The following NDUFC1 variants were observed in gnomAD, a reference collection of about 807,000 sequenced individuals.
NDUFC1 encodes the protein NADH dehydrogenase [ubiquinone] 1 subunit C1, mitochondrial.
Under a neutral mutation model 11.6 loss-of-function variants are expected in NDUFC1, and 11 were observed. The ratio of observed to expected loss-of-function variants is 0.95; its 90% CI spans 0.60 to 1.58. The LOEUF (loss-of-function observed/expected upper bound fraction) is 1.58, where lower values mean the gene tolerates loss of function less well. Among genes scored for constraint, NDUFC1 ranks in the 40% most tolerant of loss-of-function variants. The pLI is 0.00. For synonymous variants in NDUFC1, 52 were observed against 42.2 expected (o/e 1.23, Z -0.90); for missense variants, 112 against 93.0 (o/e 1.20, Z -0.84).
intron 1 of NDUFC1, chr4:139,301,396 G>A (rs941550833): frequency 9.4e-6 from 4 of 425,496 alleles, no homozygotes; most frequent in Non-Finnish European, 1.7e-5. Flanking sequence ...CCAGCCTCCA[G>A]GTTTCCCGGC....
intron 5 of NDUFC1, among the ~76,000 whole-genome samples, chr4:139,290,462 T>C (rs1229205527): frequency 6.6e-6 from 1 of 151,968 alleles, no homozygotes; most frequent in East Asian, 1.9e-4. Context: ...ATCTCTTGAT[T>C]GGCTGATTAG....
chr4:139,295,620 G>A (rs979610986), intron 3 of NDUFC1, 112 bp downstream of exon 3: 2 of 1,200,140 alleles, frequency 1.7e-6, no homozygotes, highest in East Asian at 2.7e-5. Flanking sequence ...TGCCGGCGAA[G>A]GTCACTGCAG....
chr4:139,297,834 TA>T (rs1453388093), intron 1 of NDUFC1, among the ~76,000 whole-genome samples: 1 of 152,172 alleles, frequency 6.6e-6, no homozygotes, highest in Non-Finnish European at 1.5e-5. Flanking sequence ...GAGAACAAGG[TA>T]AATGGATTGC....
Position 139,295,335 on chromosome 4 carries a change from A to G in NDUFC1, c.68-189T>C, listed in dbSNP as rs530273717. 3.9e-5 allele frequency among the ~76,000 whole-genome samples: 6 copies of G among 152,258 alleles called. No individual in the cohort carries two copies. In the East Asian group the frequency reaches 1.2e-3, roughly 29 times the overall value. On this transcript the variant is annotated intron_variant, in intron 3 of 5. Coordinates refer to ENST00000394223, the MANE Select transcript of NDUFC1 (RefSeq NM_001184989.2). ...CAGGGCCACTGGCGAGTTAGACAGG[A>G]CGCACCTGTCCTGTCCGAGGCTTTC...
At chr4:139,293,819 A>C (rs1745332205) in intron 4 of NDUFC1, among the ~76,000 whole-genome samples, 1 of 152,142 alleles carries the variant, frequency 6.6e-6, no homozygotes, top group Admixed American at 6.5e-5. Flanking sequence ...TGGGTTCAGC[A>C]AACTAGTTTC....
chr4:139,295,958 T>G lies in NDUFC1; in HGVS notation c.-160A>C. 1.6e-6 allele frequency: 1 copy of G among 637,626 alleles called. No homozygotes were observed. The highest frequency in any genetic ancestry group is 3.3e-5 in the East Asian group (1 of 30,040). The allele number at this position is 637,626 out of a possible 1,614,324, so 39.5% of individuals were successfully genotyped here. On this transcript the variant is annotated splice_region_variant and 5_prime_UTR_variant, in exon 3 of 6. Transcript: ENST00000394223. ...CTCTAGCACCCCGGCCTCAGCCTTC[T>G]GTCTATACAGTGGAATTAGGAAGAA...
At chr4:139,292,410 T>A (rs927593405) in intron 5 of NDUFC1, 120 bp downstream of exon 5, 3 of 385,914 alleles carry the variant, frequency 7.8e-6, no homozygotes, top group Non-Finnish European at 1.4e-5. Context: ...CAGACAGAAA[T>A]ATGGGTGCTA....
chr4:139,294,962 G>C (rs1490408878), intron 4 of NDUFC1, 81 bp downstream of exon 4: 2 of 999,982 alleles, frequency 2.0e-6, no homozygotes, highest in African/African-American at 3.2e-5. Flanking sequence ...ACATATAACA[G>C]CACCATTCAA....
chr4:139,292,825 T>TA lies in NDUFC1; in HGVS notation c.172-217_172-216insT, dbSNP rs1396073854. On this transcript the variant is annotated intron_variant, in intron 4 of 5. Transcript: ENST00000394223. Reference sequence around the variant, plus strand: ...GAGCCCTTAAATATATATATATATATTTATTTATTTATTTAGAGACGGAGT... The same window carrying TA: ...GAGCCCTTAAATATATATATATATATATTATTTATTTATTTAGAGACGGAGT... 1.5e-4 allele frequency among the ~76,000 whole-genome samples: 23 copies of TA among 150,478 alleles called. No homozygotes were observed. The East Asian group carries it at 3.3e-3, about 22-fold the overall frequency.
intron 5 of NDUFC1, among the ~76,000 whole-genome samples, chr4:139,291,573 A>C (rs1162103952): frequency 1.3e-5 from 2 of 152,098 alleles, no homozygotes; most frequent in Non-Finnish European, 2.9e-5. Context: ...CAAAAAATAA[A>C]ATAAAATAAA....
chr4:139,302,008 C>T, intron 1 of NDUFC1: 1 of 594,880 alleles, frequency 1.7e-6, no homozygotes, highest in South Asian at 2.9e-5. Context: ...CTATGGCCCG[C>T]GCGCCAGGGA....
At chr4:139,291,254 G>T (rs185619895) in intron 5 of NDUFC1, among the ~76,000 whole-genome samples, 83 of 151,966 alleles carry the variant, frequency 5.5e-4, no homozygotes, top group African/African-American at 1.6e-3. Context: ...CAATCATAAT[G>T]AAATAGTCAT....
intron 3 of NDUFC1, among the ~76,000 whole-genome samples, chr4:139,295,524 T>C (rs1289674406): frequency 6.6e-6 from 1 of 152,148 alleles, no homozygotes; most frequent in Non-Finnish European, 1.5e-5. Context: ...AGTGGTCAGG[T>C]TGAACTTGGA....
chr4:139,294,185 C>T (rs183874912), intron 4 of NDUFC1, among the ~76,000 whole-genome samples: 46 of 151,768 alleles, frequency 3.0e-4, no homozygotes, highest in Admixed American at 2.2e-3. Flanking sequence ...CCTCGTGATC[C>T]GCCCACCTTG....
chr4:139,301,849 G>C (rs1745768024), intron 1 of NDUFC1: 1 of 1,581,508 alleles, frequency 6.3e-7, no homozygotes, highest in Non-Finnish European at 8.6e-7. Context: ...TGAGGCTCCG[G>C]GCAAGCGGTG....
intron 4 of NDUFC1, among the ~76,000 whole-genome samples, chr4:139,293,930 A>ATTTTTT (rs775805536): frequency 5.6e-4 from 39 of 69,744 alleles, no homozygotes; most frequent in African/African-American, 6.4e-4. Context: ...TGTGGTGTGA[A>ATTTTTT]TTTTTTTTTT....
At chr4:139,301,885 C>G (rs1442529492) in intron 1 of NDUFC1, 20 of 1,539,950 alleles carry the variant, frequency 1.3e-5, no homozygotes, top group Non-Finnish European at 1.8e-5. Context: ...GTAACCGGGC[C>G]TGTCACCCCT....
intron 5 of NDUFC1, among the ~76,000 whole-genome samples, chr4:139,290,317 CTTTTTTTTTT>C (rs1248275815): frequency 8.0e-6 from 1 of 124,372 alleles, no homozygotes; most frequent in East Asian, 2.3e-4. Context: ...ATTTTTACCT[CTTTTTTTTTT>C]TTTTTTTTTT....
At position 139,298,245 on chromosome 4, in the gene NDUFC1, G is replaced by GC. The variant is rs570525376; in HGVS notation, c.-221-803dup. On this transcript the variant is annotated intron_variant, in intron 1 of 5. Transcript: ENST00000394223. Reference sequence around the variant, plus strand: ...ACCTGAGGTCGGGAGTTCAAGACCAGCCTGACCAACATGGAGAAACCCTGT... The same window carrying GC: ...ACCTGAGGTCGGGAGTTCAAGACCAGCCCTGACCAACATGGAGAAACCCTGT... Among the ~76,000 whole-genome samples, 464 of 151,734 alleles carry GC rather than the reference G, an allele frequency of 3.1e-3. 3 individuals carry two copies. The highest frequency in any genetic ancestry group is 0.011 in the African/African-American group (438 of 41,318).
Sources: allele counts gnomAD v4.1 joint callset (sites outside exome capture counted in the v4.1 genomes callset), GRCh38; gene constraint gnomAD v4.1.1; transcripts MANE v1.5; gene names NCBI Gene and HGNC (gene_info 2026-07-23, HGNC 2026-07-21).